Variants in DAAM1 observed in about 807,000 individuals in gnomAD.
DAAM1 encodes disheveled-associated activator of morphogenesis 1.
A neutral mutation model predicts 130.0 loss-of-function variants in DAAM1; 52 were observed. The ratio of observed to expected loss-of-function variants is 0.40; its 90% CI spans 0.32 to 0.50. The LOEUF is 0.50. DAAM1 is among the 20% of genes least tolerant of loss of function. DAAM1 has a pLI of 0.61. For missense variants in DAAM1, 1,134 were observed against 1,303.8 expected (o/e 0.87, Z 2.01); for synonymous variants, 452 against 444.5 (o/e 1.02, Z -0.21).
At chr14:59,338,981 C>T (rs184878770) in intron 15 of DAAM1, among the ~76,000 whole-genome samples, 1 of 152,258 alleles carries the variant, frequency 6.6e-6, no homozygotes, top group Non-Finnish European at 1.5e-5. Context: ...AACAGTAGTA[C>T]AGACTCATGT....
At chr14:59,354,915 G>A (rs948441715) in intron 19 of DAAM1, among the ~76,000 whole-genome samples, 2 of 152,184 alleles carry the variant, frequency 1.3e-5, no homozygotes, top group African/African-American at 2.4e-5. Context: ...AGCCAAGAAA[G>A]GCCTGAGAAA....
At chr14:59,347,485 T>C in intron 16 of DAAM1, 54 bp from the exon 17 acceptor site, 1 of 1,534,278 alleles carries the variant, frequency 6.5e-7, no homozygotes, top group South Asian at 1.2e-5. Flanking sequence ...GTGAATTATG[T>C]TAAATTTTAA....
chr14:59,209,005 A>G (rs1190172175), intron 1 of DAAM1, among the ~76,000 whole-genome samples: 1 of 152,230 alleles, frequency 6.6e-6, no homozygotes, highest in African/African-American at 2.4e-5. Flanking sequence ...CAGCCTGCAG[A>G]ACCATGAGCA....
intron 1 of DAAM1, among the ~76,000 whole-genome samples, chr14:59,245,669 T>A (rs1346107187): frequency 6.6e-6 from 1 of 152,220 alleles, no homozygotes; most frequent in South Asian, 2.1e-4. Flanking sequence ...ATTCTGTCAC[T>A]AAGCAATGAA....
intron 3 of DAAM1, among the ~76,000 whole-genome samples, chr14:59,298,194 T>C (rs1465641617): frequency 6.6e-6 from 1 of 152,202 alleles, no homozygotes; most frequent in Non-Finnish European, 1.5e-5. Flanking sequence ...GTCTCAATGG[T>C]TGTGGTTCAG....
intron 18 of DAAM1, among the ~76,000 whole-genome samples, chr14:59,353,349 CAG>C (rs1566720063): frequency 6.6e-6 from 1 of 152,018 alleles, no homozygotes; most frequent in African/African-American, 2.4e-5. Flanking sequence ...ACTATGAAGA[CAG>C]AGGGAGGTTT....
chr14:59,339,262 T>C (rs1015665321), intron 15 of DAAM1, among the ~76,000 whole-genome samples: 1 of 152,222 alleles, frequency 6.6e-6, no homozygotes, highest in Non-Finnish European at 1.5e-5. Flanking sequence ...TTTTCTTACA[T>C]TTTTAAAACA....
intron 23 of DAAM1, among the ~76,000 whole-genome samples, chr14:59,365,286 C>T (rs1287810087): frequency 6.6e-6 from 1 of 152,150 alleles, no homozygotes; most frequent in South Asian, 2.1e-4. Context: ...ATAAAAAGAT[C>T]ACTCAGGATG....
intron 15 of DAAM1, among the ~76,000 whole-genome samples, chr14:59,337,267 T>C (rs1220983987): frequency 6.6e-6 from 1 of 152,206 alleles, no homozygotes; most frequent in East Asian, 1.9e-4. Context: ...AGTAGACAAC[T>C]TGGCAGTTAT....
Position 59,225,974 on chromosome 14 carries a change from C to T in DAAM1, c.-38+37206C>T, listed in dbSNP as rs572375846. 2.5e-4 allele frequency among the ~76,000 whole-genome samples: 38 copies of T among 152,236 alleles called. No homozygotes were observed. In the Middle Eastern group the frequency reaches 0.014, roughly 55 times the overall value. ...ACTAATGTGGCAAGAAACTCAAGCCCTACGACATTGGGGCAACTAAGAACA... is the reference window on the plus strand; with the variant it reads ...ACTAATGTGGCAAGAAACTCAAGCCTTACGACATTGGGGCAACTAAGAACA... On this transcript the variant is annotated intron_variant, in intron 1 of 24. Transcript: ENST00000360909.
At chr14:59,246,135 TCA>T (rs535702383) in intron 1 of DAAM1, among the ~76,000 whole-genome samples, 245 of 152,302 alleles carry the variant, frequency 1.6e-3, no homozygotes, top group African/African-American at 4.9e-3. Context: ...CAAAGCATAT[TCA>T]CATTGTTGTG....
intron 2 of DAAM1, among the ~76,000 whole-genome samples, chr14:59,288,138 C>G (rs1007744375): frequency 6.6e-6 from 1 of 152,180 alleles, no homozygotes; most frequent in East Asian, 1.9e-4. Flanking sequence ...ACCACCTGAT[C>G]TCTAACAAAG....
rs10133620 is a variant in DAAM1 at position 59,286,081 on chromosome 14, C to T, written c.184-5136C>T. ...AATCATACCAATCACACTCTTTGAC[C>T]ACAGTGGAATAAAAATGGAAATCAA... On this transcript the variant is annotated intron_variant, in intron 2 of 24. Transcript: ENST00000360909. 2.4e-3 allele frequency among the ~76,000 whole-genome samples: 365 copies of T among 152,168 alleles called. 1 individual carries two copies. Among genetic ancestry groups the T allele is most frequent in the African/African-American group, 8.3e-3 (345 of 41,530 alleles).
chr14:59,306,685 A>C (rs1594812105), intron 3 of DAAM1, among the ~76,000 whole-genome samples: 1 of 149,210 alleles, frequency 6.7e-6, no homozygotes, highest in African/African-American at 2.5e-5. Context: ...CTGAGTTCAC[A>C]GCTTTTTTTT....
At chr14:59,209,419 G>A (rs1028284476) in intron 1 of DAAM1, among the ~76,000 whole-genome samples, 2 of 152,014 alleles carry the variant, frequency 1.3e-5, no homozygotes, top group African/African-American at 2.4e-5. Flanking sequence ...CGTAATTTTC[G>A]TTTTTCTAAA....
chr14:59,356,539 G>A (rs1174332561), intron 20 of DAAM1, among the ~76,000 whole-genome samples: 1 of 152,164 alleles, frequency 6.6e-6, no homozygotes, highest in Non-Finnish European at 1.5e-5. Context: ...GCTTGCCTAT[G>A]GTTACAACAA....
intron 1 of DAAM1, among the ~76,000 whole-genome samples, 158 bp from the exon 2 acceptor site, chr14:59,263,283 A>G (rs1426413571): frequency 6.6e-6 from 1 of 152,210 alleles, no homozygotes; most frequent in Non-Finnish European, 1.5e-5. Context: ...TCTCTGTCCA[A>G]GTGGACTCCA....
rs11850233 is a variant in DAAM1 at position 59,201,993 on chromosome 14, G to A, written c.-38+13225G>A. Among the ~76,000 whole-genome samples the A allele has an allele frequency of 6.0e-3, 907 of 152,258 alleles. 13 individuals carry two copies. The highest frequency in any genetic ancestry group is 0.021 in the African/African-American group (877 of 41,550). ...GTTTTACTGAAAAACCTCTAAATCTGTAGATGAATCAATTTACATTTTAAT... is the reference window on the plus strand; with the variant it reads ...GTTTTACTGAAAAACCTCTAAATCTATAGATGAATCAATTTACATTTTAAT... On this transcript the variant is annotated intron_variant, in intron 1 of 24. Transcript: ENST00000360909.
At chr14:59,353,185 C>T (rs73299913) in intron 18 of DAAM1, among the ~76,000 whole-genome samples, 6,360 of 152,242 alleles carry the variant, frequency 0.042, 414 homozygotes, top group African/African-American at 0.14. Context: ...GAGGCAGCCA[C>T]AGCTTCGTAA....
Sources: allele counts gnomAD v4.1 joint callset (sites outside exome capture counted in the v4.1 genomes callset), GRCh38; gene constraint gnomAD v4.1.1; transcripts MANE v1.5; gene names NCBI Gene and HGNC (gene_info 2026-07-23, HGNC 2026-07-21).